Variants in OPRM1 observed in about 807,000 individuals in gnomAD.
OPRM1 encodes opioid receptor mu 1.
A neutral mutation model predicts 31.8 loss-of-function variants in OPRM1; 27 were observed. The ratio of observed to expected loss-of-function variants is 0.85; its 90% CI spans 0.63 to 1.17. The LOEUF (loss-of-function observed/expected upper bound fraction) is 1.17, where lower values mean the gene tolerates loss of function less well. OPRM1 is among the 50% of genes most tolerant of loss of function. The pLI is 0.00. For missense variants in OPRM1, 536 were observed against 511.1 expected (o/e 1.05, Z -0.47); for synonymous variants, 196 against 189.9 (o/e 1.03, Z -0.26).
In OPRM1 at chr6:154,178,321, G is replaced by A. The variant is rs147010356; in HGVS notation, c.1165-68372G>A. Among the ~76,000 whole-genome samples the A allele has an allele frequency of 4.0e-3, 602 of 152,056 alleles. 1 individual carries two copies. Among genetic ancestry groups the A allele is most frequent in the Admixed American group, 7.5e-3 (114 of 15,282 alleles). On this transcript the variant is annotated intron_variant, in intron 3 of 3. Coordinates refer to the OPRM1 transcript ENST00000337049. ...AAAATTATATTAAAATTACATATCT[G>A]ATTCAATAGATATTAAATCAGTAAA...
At chr6:154,171,794 A>G (rs1799893182) in intron 3 of OPRM1, among the ~76,000 whole-genome samples, 1 of 152,242 alleles carries the variant, frequency 6.6e-6, no homozygotes, top group South Asian at 2.1e-4. Flanking sequence ...GAAGGGGGGC[A>G]TTAGGATTGA....
intron 3 of OPRM1, among the ~76,000 whole-genome samples, chr6:154,141,029 G>A (rs1006845218): frequency 2.0e-5 from 3 of 152,182 alleles, no homozygotes; most frequent in African/African-American, 7.2e-5. Flanking sequence ...AAACCAGAAT[G>A]TTCACTCCTT....
intron 3 of OPRM1, among the ~76,000 whole-genome samples, chr6:154,196,769 G>C (rs1776655210): frequency 6.6e-6 from 1 of 152,104 alleles, no homozygotes; most frequent in African/African-American, 2.4e-5. Flanking sequence ...AATAATCAGT[G>C]AATAATTCCT....
chr6:154,089,173 T>C (rs1191504694), intron 1 of OPRM1, among the ~76,000 whole-genome samples: 1 of 152,162 alleles, frequency 6.6e-6, no homozygotes, highest in African/African-American at 2.4e-5. Flanking sequence ...TATATTTATA[T>C]AGCTAAAATT....
chr6:154,155,879 A>G (rs558351992), intron 3 of OPRM1: 1 of 152,364 alleles, frequency 6.6e-6, no homozygotes, highest in South Asian at 2.1e-4. Context: ...AAAGACTTAA[A>G]AATATTTTTT....
chr6:154,152,881 C>T (rs1161429526), intron 3 of OPRM1, among the ~76,000 whole-genome samples: 1 of 148,738 alleles, frequency 6.7e-6, no homozygotes, highest in African/African-American at 2.5e-5. Flanking sequence ...GGACTACAGG[C>T]ATGTTCCACC....
At chr6:154,118,598 T>C in intron 3 of OPRM1, 85 bp from the exon 4 acceptor site, 2 of 1,342,722 alleles carry the variant, frequency 1.5e-6, no homozygotes, top group East Asian at 4.6e-5. Context: ...TTCAATGCAG[T>C]TCTTACGAGC....
downstream of OPRM1, among the ~76,000 whole-genome samples, chr6:154,133,253 T>C (rs1261109168): frequency 2.6e-5 from 4 of 152,248 alleles, no homozygotes; most frequent in Admixed American, 6.5e-5. Context: ...AAAAATTTCA[T>C]CTCTACATGG....
intron 3 of OPRM1, among the ~76,000 whole-genome samples, chr6:154,110,982 G>A (rs1280733542): frequency 6.6e-6 from 1 of 151,148 alleles, no homozygotes; most frequent in Admixed American, 6.6e-5. Flanking sequence ...TCTGTTAGTG[G>A]ACAATAAATG....
At chr6:154,209,964 A>T (rs754192700) in intron 3 of OPRM1, among the ~76,000 whole-genome samples, 1 of 152,266 alleles carries the variant, frequency 6.6e-6, no homozygotes, top group Non-Finnish European at 1.5e-5. Flanking sequence ...CAAAAAATTT[A>T]AAGATACTTC....
intron 3 of OPRM1, among the ~76,000 whole-genome samples, chr6:154,167,034 A>G (rs1799495547): frequency 6.6e-6 from 1 of 152,214 alleles, no homozygotes; most frequent in Admixed American, 6.5e-5. Flanking sequence ...GGGACGCCTA[A>G]GAGCCACTCA....
intron 1 of OPRM1, among the ~76,000 whole-genome samples, chr6:154,011,832 A>G (rs1230075623): frequency 1.3e-5 from 2 of 152,150 alleles, no homozygotes; most frequent in African/African-American, 4.8e-5. Context: ...TGTCACATCA[A>G]TGTTTGCAGG....
rs115475196 is a variant in OPRM1, at chr6:154,059,317, C to A, written c.290+19483C>A. ...AGCCTTTTAACCTGGTAAAATAGAACCCATCAATTATTAGTGGAACTTCTA... is the reference window on the plus strand; with the variant it reads ...AGCCTTTTAACCTGGTAAAATAGAAACCATCAATTATTAGTGGAACTTCTA... On this transcript the variant is annotated intron_variant, in intron 1 of 3. Transcript: ENST00000330432. Among the ~76,000 whole-genome samples the A allele has an allele frequency of 3.3e-3, 496 of 152,258 alleles. 2 individuals carry two copies. The highest frequency in any genetic ancestry group is 0.012 in the African/African-American group (483 of 41,546).
chr6:154,099,060 G>A (rs1011446184), intron 3 of OPRM1, among the ~76,000 whole-genome samples: 1 of 152,038 alleles, frequency 6.6e-6, no homozygotes, highest in African/African-American at 2.4e-5. Context: ...CCAGTGAATT[G>A]CTTGAGCCCA....
At chr6:154,013,730 G>T (rs1033024018) in intron 1 of OPRM1, among the ~76,000 whole-genome samples, 2 of 152,078 alleles carry the variant, frequency 1.3e-5, no homozygotes, top group African/African-American at 4.8e-5. Flanking sequence ...TGACTGAAAG[G>T]TGATCAAAGC....
intron 3 of OPRM1, chr6:154,110,513 C>A: frequency 1.3e-6 from 1 of 769,016 alleles, no homozygotes; most frequent in Non-Finnish European, 2.2e-6. Context: ...GTTTTTCATC[C>A]CATGGCTTAA....
At chr6:154,105,944 A>T (rs1166100756) in intron 3 of OPRM1, among the ~76,000 whole-genome samples, 1 of 152,228 alleles carries the variant, frequency 6.6e-6, no homozygotes. Flanking sequence ...AACCTTTTAT[A>T]ACCATTTACA....
intron 3 of OPRM1, among the ~76,000 whole-genome samples, chr6:154,154,209 G>C (rs1462273716): frequency 1.3e-5 from 2 of 152,160 alleles, no homozygotes; most frequent in Non-Finnish European, 2.9e-5. Flanking sequence ...TGGATCCAAA[G>C]AAAGGCAATT....
intron 3 of OPRM1, among the ~76,000 whole-genome samples, chr6:154,237,837 A>C (rs1266556386): frequency 6.6e-6 from 1 of 151,536 alleles, no homozygotes; most frequent in African/African-American, 2.4e-5. Context: ...TATATATGTT[A>C]ATATTTATAC....
Sources: gnomAD v4.1 joint callset for allele counts (sites outside exome capture counted in the v4.1 genomes callset) on GRCh38, gnomAD v4.1.1 for gene constraint, MANE v1.5 for transcripts, NCBI Gene and HGNC (gene_info 2026-07-23, HGNC 2026-07-21) for gene names.